Variants in DLG2 observed in about 807,000 individuals in gnomAD.
The protein encoded by DLG2 is disks large homolog 2.
Under a neutral mutation model 132.5 loss-of-function variants are expected in DLG2, and 45 were observed. The ratio of observed to expected loss-of-function variants is 0.34; its 90% confidence interval spans 0.27 to 0.44. The LOEUF is 0.44. DLG2 is among the 20% of genes least tolerant of loss of function. The probability of loss-of-function intolerance (pLI) is 1.00; values close to 1 mark genes in which losing one functional copy is unlikely to be tolerated. For missense variants in DLG2, 1,045 were observed against 1,196.9 expected (o/e 0.87, Z 1.87); for synonymous variants, 424 against 419.6 (o/e 1.01, Z -0.13).
intron 6 of DLG2, among the ~76,000 whole-genome samples, chr11:84,553,822 A>T (rs557932669): frequency 8.2e-4 from 125 of 152,332 alleles, no homozygotes; most frequent in Admixed American, 1.4e-3. Context: ...ATTTCTTCTT[A>T]AAATTGGCAA....
Position 83,529,557 on chromosome 11 carries a change from T to A in DLG2, c.2193+3151A>T, listed in dbSNP as rs571758363. On this transcript the variant is annotated intron_variant, in intron 21 of 27. Coordinates refer to ENST00000376104, the MANE Select transcript of DLG2 (RefSeq NM_001142699.3). The stretch of plus-strand genomic sequence containing the variant: ...ATAATTCCCAATGTTGTGCTAGAGA[T>A]GACTCAATCATGGCACTCTTTTTTT... Among the ~76,000 whole-genome samples the A allele has an allele frequency of 1.3e-4, 19 of 150,988 alleles. No individual in the cohort carries two copies. In the East Asian group the frequency reaches 3.7e-3, roughly 29 times the overall value.
chr11:84,620,350 A>C (rs1207485604), intron 6 of DLG2, among the ~76,000 whole-genome samples: 5 of 151,914 alleles, frequency 3.3e-5, no homozygotes, highest in Admixed American at 3.3e-4. Flanking sequence ...TTACAGTTTT[A>C]TATCTTTATG....
rs548588856 is a variant in DLG2, at chr11:84,612,640, T to G, written c.358-77909A>C. 6.6e-5 allele frequency among the ~76,000 whole-genome samples: 10 copies of G among 152,250 alleles called. No individual in the cohort carries two copies. In the East Asian group the frequency reaches 1.7e-3, roughly 26 times the overall value. ...TGTGTGGTAAGACTAAAGGTAATGT[T>G]TTTTCTTTTCTTAGTTCATAAATAT... On this transcript the variant is annotated intron_variant, in intron 6 of 27. Coordinates refer to ENST00000376104, the MANE Select transcript of DLG2 (RefSeq NM_001142699.3).
At chr11:83,586,386 C>A (rs1180075171) in intron 19 of DLG2, among the ~76,000 whole-genome samples, 1 of 152,192 alleles carries the variant, frequency 6.6e-6, no homozygotes, top group Non-Finnish European at 1.5e-5. Flanking sequence ...CTGGTTTTGC[C>A]ACTTACCAGC....
intron 6 of DLG2, among the ~76,000 whole-genome samples, chr11:84,676,976 A>C (rs547066485): frequency 5.2e-4 from 79 of 152,020 alleles, no homozygotes; most frequent in Non-Finnish European, 7.2e-4. Context: ...TGGTGACTGG[A>C]GATAACAATG....
chr11:84,463,574 T>C (rs1349036499), intron 7 of DLG2, among the ~76,000 whole-genome samples: 3 of 151,156 alleles, frequency 2.0e-5, no homozygotes, highest in African/African-American at 7.3e-5. Context: ...CTATTATTTC[T>C]TTGTAGATGA....
chr11:85,312,137 C>T (rs961804347), intron 3 of DLG2, among the ~76,000 whole-genome samples: 1 of 151,948 alleles, frequency 6.6e-6, no homozygotes, highest in Non-Finnish European at 1.5e-5. Context: ...AAATGTGTCA[C>T]ACTGTATTGT....
chr11:83,790,596 C>T (rs2041267316), intron 17 of DLG2: 8 of 1,327,184 alleles, frequency 6.0e-6, no homozygotes, highest in Middle Eastern at 1.9e-4. Flanking sequence ...GCCAGTAAGT[C>T]CACTGAAGTT....
intron 3 of DLG2, among the ~76,000 whole-genome samples, chr11:85,338,748 C>T (rs1458479265): frequency 1.4e-5 from 2 of 143,628 alleles, no homozygotes; most frequent in African/African-American, 2.6e-5. Flanking sequence ...CTCTGTCGCC[C>T]AGCTGGAGTG....
chr11:83,563,794 G>A (rs1172231564), intron 19 of DLG2, among the ~76,000 whole-genome samples: 1 of 152,124 alleles, frequency 6.6e-6, no homozygotes, highest in Non-Finnish European at 1.5e-5. Flanking sequence ...GTCATTGTGA[G>A]GACTAAATGA....
At chr11:83,560,178 C>T (rs1384481069) in intron 19 of DLG2, among the ~76,000 whole-genome samples, 2 of 151,422 alleles carry the variant, frequency 1.3e-5, no homozygotes, top group African/African-American at 4.9e-5. Context: ...AGAGCAGTGG[C>T]AGGATCTTGG....
At chr11:84,486,186 G>A (rs1259031866) in intron 7 of DLG2, among the ~76,000 whole-genome samples, 4 of 152,064 alleles carry the variant, frequency 2.6e-5, no homozygotes, top group Non-Finnish European at 5.9e-5. Context: ...CTCTATAAAT[G>A]AGGTAGATCT....
At chr11:84,091,209 C>T (rs959431754) in intron 10 of DLG2, among the ~76,000 whole-genome samples, 1 of 152,208 alleles carries the variant, frequency 6.6e-6, no homozygotes, top group Non-Finnish European at 1.5e-5. Context: ...GAAGTTCTAT[C>T]AGAAAATGGT....
At chr11:85,134,415 G>C (rs2075995467) in intron 5 of DLG2, among the ~76,000 whole-genome samples, 1 of 147,464 alleles carries the variant, frequency 6.8e-6, no homozygotes, top group African/African-American at 2.5e-5. Flanking sequence ...TGTAGTCCCA[G>C]CTACTTGGGA....
intron 6 of DLG2, among the ~76,000 whole-genome samples, chr11:84,838,678 C>A (rs558326753): frequency 6.6e-6 from 1 of 152,100 alleles, no homozygotes; most frequent in East Asian, 1.9e-4. Context: ...AAAATCAAGG[C>A]TGGTTCAACA....
intron 26 of DLG2, among the ~76,000 whole-genome samples, chr11:83,463,705 G>C (rs1385490808): frequency 6.6e-6 from 1 of 152,206 alleles, no homozygotes; most frequent in Non-Finnish European, 1.5e-5. Flanking sequence ...GTGGGAACAT[G>C]GCTTGAGCCC....
intron 6 of DLG2, among the ~76,000 whole-genome samples, chr11:84,837,321 G>A (rs2079955795): frequency 6.6e-6 from 1 of 151,734 alleles, no homozygotes; most frequent in South Asian, 2.1e-4. Context: ...AAGAATAACT[G>A]TAAATATTAT....
chr11:84,913,169 T>C (rs2092228071), intron 6 of DLG2, among the ~76,000 whole-genome samples: 2 of 152,140 alleles, frequency 1.3e-5, no homozygotes, highest in Admixed American at 6.5e-5. Flanking sequence ...AGAATAGTGA[T>C]AGTAAGAAAA....
chr11:84,824,443 ATTTC>A (rs775124784), intron 6 of DLG2, among the ~76,000 whole-genome samples: 20 of 152,008 alleles, frequency 1.3e-4, no homozygotes, highest in Non-Finnish European at 2.4e-4. Context: ...ACAAAGATAA[ATTTC>A]TTTATTTGGG....
Sources: gnomAD v4.1 joint callset for allele counts (sites outside exome capture counted in the v4.1 genomes callset) on GRCh38, gnomAD v4.1.1 for gene constraint, MANE v1.5 for transcripts, NCBI Gene and HGNC (gene_info 2026-07-23, HGNC 2026-07-21) for gene names.